The following MAPKAP1 variants were observed in gnomAD, a reference collection of about 807,000 sequenced individuals.
The protein encoded by MAPKAP1 is target of rapamycin complex 2 subunit MAPKAP1.
MAPKAP1 carries 20 observed loss-of-function variants against 65.7 expected under a neutral mutation model. The ratio of observed to expected loss-of-function variants is 0.30; its 90% confidence interval spans 0.21 to 0.44. MAPKAP1 has a LOEUF of 0.44. Among genes scored for constraint, MAPKAP1 ranks in the 20% least tolerant of loss-of-function variants. The pLI is 1.00. For missense variants in MAPKAP1, 423 were observed against 648.0 expected, an observed-to-expected ratio of 0.65 and a Z score of 3.77; for synonymous variants, 222 against 244.3, an observed-to-expected ratio of 0.91 and a Z score of 0.85.
intron 5 of MAPKAP1, among the ~76,000 whole-genome samples, chr9:125,572,542 C>G (rs534058): frequency 2.6e-5 from 4 of 152,152 alleles, no homozygotes; most frequent in Non-Finnish European, 5.9e-5. Flanking sequence ...TAAATTCTAG[C>G]CTCATTAGTT....
At chr9:125,657,302 TATATATATAAACATATGTATATAC>T (rs1834059673) in intron 4 of MAPKAP1, among the ~76,000 whole-genome samples, 1 of 151,808 alleles carries the variant, frequency 6.6e-6, no homozygotes, top group Non-Finnish European at 1.5e-5. Flanking sequence ...CTTTCTCTCA[TATATATATAAACATATGTATATAC>T]ATATATATAC....
intron 6 of MAPKAP1, among the ~76,000 whole-genome samples, chr9:125,551,449 A>G (rs1830581978): frequency 6.6e-6 from 1 of 152,166 alleles, no homozygotes; most frequent in Non-Finnish European, 1.5e-5. Context: ...GAGCCTGCCC[A>G]AGGCAGCCCA....
At chr9:125,476,140 C>T (rs192461816) in intron 9 of MAPKAP1, among the ~76,000 whole-genome samples, 7 of 152,326 alleles carry the variant, frequency 4.6e-5, no homozygotes, top group Admixed American at 2.0e-4. Context: ...AAAAAGCCCA[C>T]AGTGTTTCCA....
intron 4 of MAPKAP1, among the ~76,000 whole-genome samples, chr9:125,633,371 C>A (rs1833341236): frequency 6.6e-6 from 1 of 152,236 alleles, no homozygotes; most frequent in Admixed American, 6.5e-5. Flanking sequence ...TCCTGCTGGG[C>A]TGCCTCCTTG....
At chr9:125,689,353 C>T (rs1160285834) in intron 1 of MAPKAP1, among the ~76,000 whole-genome samples, 1 of 141,014 alleles carries the variant, frequency 7.1e-6, no homozygotes, top group African/African-American at 2.7e-5. Context: ...AGAAGAATGG[C>T]GTGAACCCGG....
chr9:125,603,078 CTTT>C (rs35247956), intron 4 of MAPKAP1, among the ~76,000 whole-genome samples: 39 of 85,074 alleles, frequency 4.6e-4, no homozygotes, highest in South Asian at 4.1e-4. Context: ...TTCTTTCTTT[CTTT>C]TTTTTTTATA....
chr9:125,498,398 C>T (rs1180660698), intron 8 of MAPKAP1, among the ~76,000 whole-genome samples: 1 of 152,150 alleles, frequency 6.6e-6, no homozygotes, highest in Admixed American at 6.5e-5. Flanking sequence ...TGGATAACTT[C>T]GAGCAAGTCA....
At chr9:125,502,831 T>C (rs1000125823) in intron 8 of MAPKAP1, among the ~76,000 whole-genome samples, 1 of 152,228 alleles carries the variant, frequency 6.6e-6, no homozygotes, top group African/African-American at 2.4e-5. Context: ...TTTTCTCTAT[T>C]ATACATTTTT....
intron 4 of MAPKAP1, among the ~76,000 whole-genome samples, chr9:125,655,775 ATCTT>A (rs1272621866): frequency 6.6e-6 from 1 of 152,226 alleles, no homozygotes; most frequent in African/African-American, 2.4e-5. Flanking sequence ...CAATATCTAA[ATCTT>A]TCTTAATCAA....
At chr9:125,646,022 G>A (rs545777497) in intron 4 of MAPKAP1, among the ~76,000 whole-genome samples, 20 of 152,230 alleles carry the variant, frequency 1.3e-4, no homozygotes, top group African/African-American at 4.6e-4. Flanking sequence ...ATGATATCTT[G>A]AGAAGTATTA....
At chr9:125,578,109 A>G (rs1279369781) in intron 5 of MAPKAP1, among the ~76,000 whole-genome samples, 2 of 152,076 alleles carry the variant, frequency 1.3e-5, no homozygotes, top group Non-Finnish European at 2.9e-5. Context: ...CTGCCTTGGG[A>G]TCCTGTTGAT....
chr9:125,689,814 C>A (rs1045962771), intron 1 of MAPKAP1, among the ~76,000 whole-genome samples: 2 of 151,148 alleles, frequency 1.3e-5, no homozygotes, highest in Non-Finnish European at 2.9e-5. Context: ...GGGCCAGGCG[C>A]GGTGGCTCAC....
At chr9:125,691,433 T>C (rs1835167710) in intron 1 of MAPKAP1, among the ~76,000 whole-genome samples, 1 of 152,166 alleles carries the variant, frequency 6.6e-6, no homozygotes, top group Admixed American at 6.5e-5. Flanking sequence ...GAGTTATGTT[T>C]CAGACACAAT....
At position 125,644,878 on chromosome 9, in the gene MAPKAP1, T is replaced by C. The variant is rs146654174; in HGVS notation, c.498+12773A>G. Among the ~76,000 whole-genome samples the C allele has an allele frequency of 3.0e-3, 457 of 152,324 alleles. 1 individual carries two copies. Among genetic ancestry groups the C allele is most frequent in the Non-Finnish European group, 4.9e-3 (334 of 68,026 alleles). Reference sequence around the variant, plus strand: ...ACTGCATTTAAAGATCAAAATTACATATTAACATTTTTCTCTGTATATCTA... The same window carrying C: ...ACTGCATTTAAAGATCAAAATTACACATTAACATTTTTCTCTGTATATCTA... On this transcript the variant is annotated intron_variant, in intron 4 of 11. Transcript: ENST00000265960.
At chr9:125,533,380 C>T (rs908392812) in intron 7 of MAPKAP1, among the ~76,000 whole-genome samples, 19 of 152,074 alleles carry the variant, frequency 1.2e-4, no homozygotes, top group African/African-American at 4.6e-4. Flanking sequence ...TGATAACATT[C>T]AGTGCTGGTA....
intron 1 of MAPKAP1, among the ~76,000 whole-genome samples, chr9:125,686,636 C>A (rs1049811824): frequency 7.2e-5 from 11 of 152,208 alleles, no homozygotes; most frequent in Non-Finnish European, 1.5e-4. Context: ...ACATTGTTTT[C>A]CCTCGACCAG....
At chr9:125,621,969 G>C (rs1158742624) in intron 4 of MAPKAP1, among the ~76,000 whole-genome samples, 1 of 152,236 alleles carries the variant, frequency 6.6e-6, no homozygotes, top group African/African-American at 2.4e-5. Context: ...ATGGAAGCCT[G>C]TCATCATCAC....
At chr9:125,629,629 T>C (rs1227744334) in intron 4 of MAPKAP1, among the ~76,000 whole-genome samples, 1 of 152,200 alleles carries the variant, frequency 6.6e-6, no homozygotes, top group East Asian at 1.9e-4. Context: ...AAAAGGGAAG[T>C]TGTTCAATGG....
intron 4 of MAPKAP1, among the ~76,000 whole-genome samples, chr9:125,591,083 A>G (rs544236725): frequency 2.6e-5 from 4 of 152,256 alleles, no homozygotes; most frequent in Admixed American, 6.5e-5. Context: ...CGTAACCTTT[A>G]TATTATAGCT....
Sources: gnomAD v4.1 joint callset for allele counts (sites outside exome capture counted in the v4.1 genomes callset) on GRCh38, gnomAD v4.1.1 for gene constraint, MANE v1.5 for transcripts, NCBI Gene and HGNC (gene_info 2026-07-23, HGNC 2026-07-21) for gene names.